Variants in UBL7 observed in about 807,000 individuals in gnomAD.
UBL7 encodes ubiquitin like 7.
In UBL7, 21 loss-of-function variants were observed where a neutral mutation model predicts 41.7. The ratio of observed to expected loss-of-function variants is 0.50; its 90% CI spans 0.36 to 0.73. The LOEUF (loss-of-function observed/expected upper bound fraction) is 0.73, where lower values mean the gene tolerates loss of function less well. Among genes scored for constraint, UBL7 ranks in the 30% least tolerant of loss-of-function variants. The pLI is 0.00. For missense variants in UBL7, 403 were observed against 478.4 expected, an observed-to-expected ratio of 0.84 and a Z score of 1.47; for synonymous variants, 157 against 186.9, an observed-to-expected ratio of 0.84 and a Z score of 1.31.
intron 7 of UBL7, 28 bp downstream of exon 7, chr15:74,449,908 G>A: frequency 6.3e-7 from 1 of 1,598,920 alleles, no homozygotes; most frequent in Non-Finnish European, 8.5e-7. Flanking sequence ...CTCCTGAGGG[G>A]CCCACATTAC....
intron 7 of UBL7, 41 bp from the exon 8 acceptor site, chr15:74,449,716 G>C (rs757490512): frequency 6.2e-7 from 1 of 1,612,918 alleles, no homozygotes; most frequent in South Asian, 1.1e-5. Context: ...AGAACAGAAA[G>C]GCACAGGCGC....
intron 3 of UBL7, among the ~76,000 whole-genome samples, chr15:74,453,348 A>G (rs977231349): frequency 6.6e-6 from 1 of 152,236 alleles, no homozygotes; most frequent in African/African-American, 2.4e-5. Flanking sequence ...ATGAGACTAC[A>G]TCAAATACAC....
At chr15:74,460,810 A>G in intron 1 of UBL7, 1 of 1,252,060 alleles carries the variant, frequency 8.0e-7, no homozygotes, top group Non-Finnish European at 1.0e-6. Context: ...AAGGCTGTGA[A>G]GCTGCCTAGC....
chr15:74,455,356 A>C (rs1203451208), intron 3 of UBL7, among the ~76,000 whole-genome samples: 1 of 152,174 alleles, frequency 6.6e-6, no homozygotes, highest in Non-Finnish European at 1.5e-5. Flanking sequence ...AATTCCAAGC[A>C]CCTTCTATTT....
rs776631456 is a variant in UBL7, at chr15:74,458,816, T to A, written c.52A>T (p.Thr18Ser). 1 of 1,613,468 alleles carries A rather than the reference T, an allele frequency of 6.2e-7. No individual in the cohort carries two copies. The highest frequency in any genetic ancestry group is 8.5e-7 in the Non-Finnish European group (1 of 1,180,036). Reference protein sequence around the residue: ...LAVKLADQPLTPKSILRLPET... With the variant: ...LAVKLADQPLSPKSILRLPET... Reference sequence around the variant, plus strand: ...GGCAACCGAAGAATAGACTTTGGAGTAAGTGGCTGGTCAGCCAGCTTCACC... The same window carrying A: ...GGCAACCGAAGAATAGACTTTGGAGAAAGTGGCTGGTCAGCCAGCTTCACC... The change falls in exon 2 of 11, where the codon ACT becomes TCT. Residue 18 changes from threonine (T) to serine (S), a missense_variant. By Grantham distance (58) the Thr-to-Ser change is moderately conservative. Coordinates refer to ENST00000395081, the MANE Select transcript of UBL7 (RefSeq NM_032907.5).
At chr15:74,452,245 C>CT (rs1471790034) in intron 4 of UBL7, 51 bp downstream of exon 4, 4 of 1,517,510 alleles carry the variant, frequency 2.6e-6, no homozygotes, top group Non-Finnish European at 2.7e-6. Context: ...CGCCAGCCAG[C>CT]GTTCACACCC....
rs200423185 is a variant in UBL7 at position 74,449,902 on chromosome 15, T to A, written c.664+34A>T. On this transcript the variant is annotated intron_variant, in intron 7 of 10. Transcript: ENST00000395081. ...AAATTCCTGGGCCACTGCCGGCTCC[T>A]GAGGGGCCCACATTACACTTTTCAG... The A allele has an allele frequency of 8.3e-4, 1,330 of 1,595,136 alleles. 1 individual carries two copies. The highest frequency in any genetic ancestry group is 5.2e-3 in the Middle Eastern group (31 of 5,988).
intron 1 of UBL7, among the ~76,000 whole-genome samples, chr15:74,460,012 A>C (rs4468560): frequency 0.27 from 39,376 of 144,238 alleles, 7,181 homozygotes; most frequent in East Asian, 0.56. Context: ...GAGGCCGCGG[A>C]GGACGGATCA....
Position 74,446,078 on chromosome 15 carries a change from G to A in UBL7, c.*12C>T, listed in dbSNP as rs985555414. 6 of 1,613,196 alleles carry A rather than the reference G, an allele frequency of 3.7e-6. No homozygotes were observed. Reference sequence around the variant, plus strand: ...TCTGCAACTTGCTGGGGGTTCAGGGGAAGCAGGGAGTTCATGGGGCTCCTC... The same window carrying A: ...TCTGCAACTTGCTGGGGGTTCAGGGAAAGCAGGGAGTTCATGGGGCTCCTC... On this transcript the variant is annotated 3_prime_UTR_variant, in exon 11 of 11. Coordinates refer to ENST00000395081, the MANE Select transcript of UBL7 (RefSeq NM_032907.5). The surrounding 1 kb of genome is among the most constrained non-coding windows in gnomAD (Gnocchi z 4.1).
chr15:74,460,397 A>C (rs1280424856), intron 1 of UBL7, among the ~76,000 whole-genome samples: 1 of 152,172 alleles, frequency 6.6e-6, no homozygotes, highest in East Asian at 1.9e-4. Context: ...CACAACATGT[A>C]AGTACACACT....
chr15:74,457,562 T>C (rs1055016314), intron 2 of UBL7, among the ~76,000 whole-genome samples: 8 of 122,116 alleles, frequency 6.6e-5, no homozygotes, highest in East Asian at 4.5e-4. Flanking sequence ...GAAATATATA[T>C]ATATATACAC....
rs775435922 is a variant in UBL7, at chr15:74,458,708, A to G, written c.160T>C (p.Ser54Pro). 1.9e-6 allele frequency: 3 copies of G among 1,613,780 alleles called. No individual in the cohort carries two copies. The highest frequency in any genetic ancestry group is 2.5e-6 in the Non-Finnish European group (3 of 1,179,984). ...CCAATCAGCTCAGGGTCTGGAACAG[A>G]CTCCTGGAGTTTGCCAGCAATAAGC... ...KQLIAGKLQE[S>P]VPDPELIDLI... The change falls in exon 2 of 11, where the codon TCT (serine) becomes CCT (proline). Residue 54 changes from serine to proline, a missense_variant. Ser to Pro is a moderately conservative substitution (Grantham distance 74, BLOSUM62 -1). Transcript: ENST00000395081.
intron 3 of UBL7, 104 bp from the exon 4 acceptor site, chr15:74,452,482 G>T (rs909714492): frequency 1.7e-6 from 2 of 1,143,858 alleles, no homozygotes; most frequent in Admixed American, 2.0e-5. Flanking sequence ...CCTGGTCTGT[G>T]CATTCCCTTC....
intron 2 of UBL7, among the ~76,000 whole-genome samples, chr15:74,457,216 T>G (rs901591107): frequency 6.6e-6 from 1 of 152,150 alleles, no homozygotes; most frequent in Non-Finnish European, 1.5e-5. Flanking sequence ...CCAGCACTTT[T>G]GGAGCCTGGC....
intron 4 of UBL7, 144 bp from the exon 5 acceptor site, chr15:74,451,664 C>T: frequency 1.8e-6 from 1 of 555,054 alleles, no homozygotes; most frequent in Non-Finnish European, 3.2e-6. Flanking sequence ...AACAGATGAA[C>T]CTCTTTTTGC....
chr15:74,453,587 G>T (rs2061269466), intron 3 of UBL7, among the ~76,000 whole-genome samples: 1 of 152,240 alleles, frequency 6.6e-6, no homozygotes, highest in Non-Finnish European at 1.5e-5. Context: ...GAGAATAAAA[G>T]AATGTGGTGC....
At chr15:74,450,411 T>A (rs6495101) in intron 6 of UBL7, among the ~76,000 whole-genome samples, 40,919 of 151,854 alleles carry the variant, frequency 0.27, 7,551 homozygotes, top group East Asian at 0.55. Context: ...AACCCTGGAC[T>A]GGTCCCTTCT....
rs199841006 is a variant in UBL7 at position 74,450,824 on chromosome 15, C to T, written c.508G>A (p.Ala170Thr). The T allele has an allele frequency of 1.4e-4, 232 of 1,613,348 alleles. No individual in the cohort carries two copies. In the Admixed American group the frequency reaches 2.7e-3, roughly 19 times the overall value. The change falls in exon 6 of 11, where the codon GCT (alanine) becomes ACT (threonine). Residue 170 changes from alanine (A) to threonine (T), a missense_variant. Coordinates refer to ENST00000395081, the MANE Select transcript of UBL7 (RefSeq NM_032907.5). ...LQDKDLFSVFADPNMLDTLVP... is the reference protein window; with the variant it reads ...LQDKDLFSVFTDPNMLDTLVP... ...TACGTATCAAGCATATTGGGATCAGCGAAGACAGAGAAGAGGTCCTTGTCC... is the reference window on the plus strand; with the variant it reads ...TACGTATCAAGCATATTGGGATCAGTGAAGACAGAGAAGAGGTCCTTGTCC...
chr15:74,452,261 T>C lies in UBL7; in HGVS notation c.387+35A>G, dbSNP rs1339556311. 1.9e-6 allele frequency: 3 copies of C among 1,545,254 alleles called. No homozygotes were observed. In the Admixed American group the frequency reaches 5.9e-5, roughly 30 times the overall value. On this transcript the variant is annotated intron_variant, in intron 4 of 10. Transcript: ENST00000395081. The stretch of plus-strand genomic sequence containing the variant: ...GCCAGCCAGCGTTCACACCCTCTCC[T>C]ACAGTCCTGGCTGGGGGCCGCAGCA...
Sources: gnomAD v4.1 joint callset for allele counts (sites outside exome capture counted in the v4.1 genomes callset) on GRCh38, gnomAD v4.1.1 for gene constraint, Gnocchi (gnomAD v3.1) non-coding constraint, MANE v1.5 for transcripts, NCBI Gene and HGNC (gene_info 2026-07-23, HGNC 2026-07-21) for gene names.